The following CLSTN2 variants were observed in gnomAD, a reference collection of about 807,000 sequenced individuals.
The protein encoded by CLSTN2 is calsyntenin 2, also known as calsyntenin-2.
In CLSTN2, 48 loss-of-function variants were observed where a neutral mutation model predicts 101.2. The observed-to-expected ratio is 0.47, with a 90% CI of 0.38 to 0.60. The LOEUF is 0.60. CLSTN2 is among the 20% of genes least tolerant of loss of function. The pLI is 0.00. For synonymous variants in CLSTN2, 481 were observed against 463.6 expected, an observed-to-expected ratio of 1.04 and a Z score of -0.48; for missense variants, 1,160 against 1,238.2, an observed-to-expected ratio of 0.94 and a Z score of 0.95.
chr3:140,179,982 G>C (rs1354920831), intron 2 of CLSTN2, among the ~76,000 whole-genome samples: 1 of 152,136 alleles, frequency 6.6e-6, no homozygotes, highest in Non-Finnish European at 1.5e-5. Flanking sequence ...CACCCAAGTC[G>C]CTCAGTCCCT....
chr3:140,270,833 C>T (rs756426268), intron 2 of CLSTN2, among the ~76,000 whole-genome samples: 1 of 152,120 alleles, frequency 6.6e-6, no homozygotes, highest in African/African-American at 2.4e-5. Flanking sequence ...AGCAGAACTC[C>T]GGTACCTGTA....
At position 140,326,680 on chromosome 3, in the gene CLSTN2, G is replaced by C. The variant is rs143350257; in HGVS notation, c.233-76949G>C. On this transcript the variant is annotated intron_variant, in intron 2 of 16. Transcript: ENST00000458420. ...CAAAAGCTACCACCCTTTTTGTCCTGCTATCTCCTGAAAGCCATGACATTG... is the reference window on the plus strand; with the variant it reads ...CAAAAGCTACCACCCTTTTTGTCCTCCTATCTCCTGAAAGCCATGACATTG... Among the ~76,000 whole-genome samples the C allele has an allele frequency of 2.6e-3, 389 of 152,214 alleles. 1 individual carries two copies. The highest frequency in any genetic ancestry group is 9.2e-3 in the African/African-American group (384 of 41,518).
chr3:140,050,283 A>C (rs2007965617), intron 1 of CLSTN2, among the ~76,000 whole-genome samples: 1 of 152,212 alleles, frequency 6.6e-6, no homozygotes, highest in Non-Finnish European at 1.5e-5. Context: ...AGGAAACAAA[A>C]GCTTGCTCAG....
At chr3:140,511,681 C>CT (rs1934818215) in intron 8 of CLSTN2, among the ~76,000 whole-genome samples, 1 of 150,826 alleles carries the variant, frequency 6.6e-6, no homozygotes, top group Non-Finnish European at 1.5e-5. Flanking sequence ...TCCCGTGTAG[C>CT]TGGGACTACA....
chr3:140,004,679 G>A (rs764817487), intron 1 of CLSTN2, among the ~76,000 whole-genome samples: 4 of 152,140 alleles, frequency 2.6e-5, no homozygotes, highest in Admixed American at 2.0e-4. Flanking sequence ...AAAAAGAGAC[G>A]TATTTCCAGT....
At chr3:140,233,122 A>G (rs2086385354) in intron 2 of CLSTN2, among the ~76,000 whole-genome samples, 1 of 152,054 alleles carries the variant, frequency 6.6e-6, no homozygotes, top group Non-Finnish European at 1.5e-5. Context: ...TTTGTCTTTG[A>G]TACTCTGACC....
intron 1 of CLSTN2, among the ~76,000 whole-genome samples, chr3:140,110,827 T>G (rs1351849343): frequency 6.6e-6 from 1 of 152,194 alleles, no homozygotes; most frequent in Admixed American, 6.5e-5. Flanking sequence ...GGAGGAGGGC[T>G]GTTGGCTTCT....
At chr3:140,496,865 G>A (rs1316065976) in intron 8 of CLSTN2, among the ~76,000 whole-genome samples, 3 of 152,108 alleles carry the variant, frequency 2.0e-5, no homozygotes, top group Non-Finnish European at 2.9e-5. Context: ...CACTTTGGGA[G>A]GCCGAGGCAG....
intron 2 of CLSTN2, among the ~76,000 whole-genome samples, chr3:140,250,681 T>C (rs184823835): frequency 9.1e-4 from 138 of 152,278 alleles, no homozygotes; most frequent in African/African-American, 3.2e-3. Flanking sequence ...TCAGCTGCAA[T>C]TGGATGAGCC....
At chr3:140,448,209 CTGTGTGTGTG>C (rs55857773) in intron 5 of CLSTN2, among the ~76,000 whole-genome samples, 6 of 148,300 alleles carry the variant, frequency 4.0e-5, no homozygotes, top group African/African-American at 1.2e-4. Context: ...GAGGGTGTGA[CTGTGTGTGTG>C]TGTGTGTGTG....
chr3:140,473,079 C>G (rs1206555816), intron 8 of CLSTN2, among the ~76,000 whole-genome samples: 1 of 152,236 alleles, frequency 6.6e-6, no homozygotes, highest in Non-Finnish European at 1.5e-5. Flanking sequence ...GGATTGTCCA[C>G]TCTCTGGAAA....
chr3:140,464,619 G>T (rs958723041), intron 7 of CLSTN2, among the ~76,000 whole-genome samples: 1 of 152,170 alleles, frequency 6.6e-6, no homozygotes, highest in Non-Finnish European at 1.5e-5. Context: ...GTAGAGTGAG[G>T]TTTGCCCATC....
At chr3:140,504,847 T>G (rs1934652811) in intron 8 of CLSTN2, among the ~76,000 whole-genome samples, 1 of 152,144 alleles carries the variant, frequency 6.6e-6, no homozygotes, top group Admixed American at 6.5e-5. Flanking sequence ...TTTGTTTTGT[T>G]TTGATTTTTT....
At chr3:140,556,468 C>G (rs1314485356) in intron 10 of CLSTN2, 45 bp from the exon 11 acceptor site, 1 of 1,605,140 alleles carries the variant, frequency 6.2e-7, no homozygotes, top group Admixed American at 1.7e-5. Context: ...AAACCATGTA[C>G]ATCACTGACC....
intron 2 of CLSTN2, among the ~76,000 whole-genome samples, chr3:140,343,776 G>A (rs190706934): frequency 1.3e-5 from 2 of 152,184 alleles, no homozygotes; most frequent in South Asian, 4.1e-4. Flanking sequence ...AGAGTTTCTA[G>A]GCTGTGACCA....
At chr3:140,430,524 A>G (rs956817316) in intron 5 of CLSTN2, among the ~76,000 whole-genome samples, 2 of 152,220 alleles carry the variant, frequency 1.3e-5, no homozygotes, top group Non-Finnish European at 2.9e-5. Flanking sequence ...CATAGTGCCT[A>G]TGGTTACCCT....
At chr3:140,326,223 C>T (rs942371868) in intron 2 of CLSTN2, among the ~76,000 whole-genome samples, 1 of 152,218 alleles carries the variant, frequency 6.6e-6, no homozygotes, top group South Asian at 2.1e-4. Flanking sequence ...CCAAACCATA[C>T]TTTCCTGCCA....
chr3:140,228,201 A>T (rs367701732), intron 2 of CLSTN2, among the ~76,000 whole-genome samples: 109 of 152,314 alleles, frequency 7.2e-4, no homozygotes, highest in African/African-American at 2.4e-3. Context: ...CCCAAGTCAC[A>T]TCTTGAATGC....
At chr3:140,240,846 A>G (rs2107867619) in intron 2 of CLSTN2, among the ~76,000 whole-genome samples, 1 of 152,280 alleles carries the variant, frequency 6.6e-6, no homozygotes, top group Admixed American at 6.5e-5. Context: ...TTTACGTGGC[A>G]CTACTAGGGT....
Sources: allele counts gnomAD v4.1 joint callset (sites outside exome capture counted in the v4.1 genomes callset), GRCh38; gene constraint gnomAD v4.1.1; transcripts MANE v1.5; gene names NCBI Gene and HGNC (gene_info 2026-07-23, HGNC 2026-07-21).